The following HSPD1 variants were observed in gnomAD, a reference collection of about 807,000 sequenced individuals.
The protein encoded by HSPD1 is heat shock protein family D (Hsp60) member 1.
In HSPD1, 3 loss-of-function variants were observed where a neutral mutation model predicts 53.0. The observed-to-expected ratio is 0.06, with a 90% CI of 0.03 to 0.15. The LOEUF (loss-of-function observed/expected upper bound fraction) is 0.15. Among genes scored for constraint, HSPD1 ranks in the 10% least tolerant of loss-of-function variants. HSPD1 has a pLI of 1.00. For missense variants in HSPD1, 431 were observed against 694.1 expected, an observed-to-expected ratio of 0.62 and a Z score of 4.26; for synonymous variants, 200 against 228.0, an observed-to-expected ratio of 0.88 and a Z score of 1.10.
intron 9 of HSPD1, among the ~76,000 whole-genome samples, chr2:197,488,739 G>T (rs1235204718): frequency 1.3e-5 from 2 of 152,234 alleles, no homozygotes; most frequent in East Asian, 3.9e-4. Context: ...ATGGTGGCAA[G>T]TGCCTGTAAT....
chr2:197,490,157 T>C, intron 8 of HSPD1, 40 bp downstream of exon 8: 5 of 1,326,328 alleles, frequency 3.8e-6, no homozygotes, highest in East Asian at 2.3e-5. Context: ...CAGACAAGTA[T>C]AAACATTCAG....
chr2:197,494,795 A>T, intron 4 of HSPD1, 43 bp from the exon 5 acceptor site: 1 of 1,272,670 alleles, frequency 7.9e-7, no homozygotes, highest in East Asian at 2.3e-5. Context: ...AGGTAAGCCT[A>T]GTGTCCTCAG....
At chr2:197,496,226 G>C (rs1476312409) in intron 3 of HSPD1, among the ~76,000 whole-genome samples, 2 of 152,100 alleles carry the variant, frequency 1.3e-5, no homozygotes, top group Non-Finnish European at 2.9e-5. Context: ...TGGGAATAGT[G>C]CTAGCTCTCT....
At chr2:197,499,635 C>G (rs1202023014) in intron 1 of HSPD1, 147 bp downstream of exon 1, 1 of 150,876 alleles carries the variant, frequency 6.6e-6, no homozygotes, top group Non-Finnish European at 1.5e-5. Flanking sequence ...CCCGCGAGGC[C>G]TGGACCCGCA....
At chr2:197,500,137 G>A, upstream of HSPD1, 2 of 503,276 alleles carry the variant, frequency 4.0e-6, no homozygotes, top group Middle Eastern at 5.4e-4. Flanking sequence ...TTCCGGGAGG[G>A]GACGAAGGGG....
At chr2:197,495,188 G>T in intron 4 of HSPD1, 106 bp downstream of exon 4, 1 of 711,724 alleles carries the variant, frequency 1.4e-6, no homozygotes, top group Non-Finnish European at 2.6e-6. Flanking sequence ...TAATATTGAT[G>T]ATTGGGTAGT....
chr2:197,490,047 A>T (rs2106072431), intron 8 of HSPD1, 150 bp downstream of exon 8: 1 of 700,324 alleles, frequency 1.4e-6, no homozygotes, highest in East Asian at 2.7e-5. Context: ...GACTTGTGGC[A>T]AATTAACGGG....
intron 6 of HSPD1, 117 bp from the exon 7 acceptor site, chr2:197,493,609 C>T (rs1311871364): frequency 1.3e-5 from 10 of 755,234 alleles, no homozygotes; most frequent in South Asian, 4.6e-5. Context: ...TGGTTTTCCT[C>T]CTTCATTTCT....
chr2:197,492,481 T>G (rs921986108), intron 7 of HSPD1, among the ~76,000 whole-genome samples: 2 of 152,128 alleles, frequency 1.3e-5, no homozygotes, highest in African/African-American at 4.8e-5. Context: ...TGAGCCACCA[T>G]GCCTGGCTCT....
At chr2:197,492,581 A>AAAAAC (rs1356257071) in intron 7 of HSPD1, among the ~76,000 whole-genome samples, 8 of 152,076 alleles carry the variant, frequency 5.3e-5, no homozygotes, top group African/African-American at 9.7e-5. Flanking sequence ...AAAACCTTAA[A>AAAAAC]AAAACAAAAC....
chr2:197,498,619 G>A, intron 2 of HSPD1, 56 bp downstream of exon 2: 1 of 1,457,376 alleles, frequency 6.9e-7, no homozygotes, highest in Non-Finnish European at 9.6e-7. Context: ...GCGACTATTT[G>A]TGAGTAAAAT....
At chr2:197,500,244 C>G (rs1345029613), upstream of HSPD1, 17 of 700,546 alleles carry the variant, frequency 2.4e-5, no homozygotes, top group East Asian at 4.6e-4. Flanking sequence ...TGCGCAGGGC[C>G]CTTGGGGCGA....
chr2:197,487,106 C>A lies in HSPD1; in HGVS notation c.1662G>T (p.Lys554Asn), dbSNP rs1465219566. 6.4e-7 allele frequency: 1 copy of A among 1,573,112 alleles called. No individual in the cohort carries two copies. Among genetic ancestry groups the A allele is most frequent in the Admixed American group, 1.7e-5 (1 of 59,856 alleles). ...VVVTEIPKEEKDPGMGAMGGM... is the reference protein window; with the variant it reads ...VVVTEIPKEENDPGMGAMGGM... ...CACCCATTGCACCCATTCCAGGGTC[C>A]TTCTCTTCTTTAGGAATTTCTGTGA... Residue 554 changes from lysine to asparagine, a missense_variant, in exon 12 of 12, where the codon AAG becomes AAT. This residue lies in a region of HSPD1 where 386 missense variants were observed against 657.6 expected (regional missense o/e 0.59). Transcript: ENST00000388968.
chr2:197,495,115 T>G, intron 4 of HSPD1, 179 bp downstream of exon 4: 1 of 628,962 alleles, frequency 1.6e-6, no homozygotes, highest in Non-Finnish European at 2.9e-6. Flanking sequence ...CATGTAGAAC[T>G]AAATGACAAC....
Position 197,498,783 on chromosome 2 carries a change from G to A in HSPD1, c.66C>T (p.Leu22=). The change falls in exon 2 of 12, where the codon CTC becomes CTT. Residue 22 remains leucine, a synonymous_variant. Coordinates refer to ENST00000388968, the MANE Select transcript of HSPD1 (RefSeq NM_002156.5). The part of the protein sequence containing the change: ...RPVSRVLAPH[L]TRAYAKDVKF... ...TTACATCTTTGGCATAAGCCCGAGT[G>A]AGATGAGGAGCCAGTACCCTGGACA... 1 of 1,614,198 alleles carries A rather than the reference G, an allele frequency of 6.2e-7. No homozygotes were observed. Among genetic ancestry groups the A allele is most frequent in the Admixed American group, 1.7e-5 (1 of 60,022 alleles).
At chr2:197,498,936 C>A in intron 1 of HSPD1, 86 bp from the exon 2 acceptor site, 1 of 1,217,986 alleles carries the variant, frequency 8.2e-7, no homozygotes, top group East Asian at 2.5e-5. Flanking sequence ...ACAGAGCAAG[C>A]AACGTGAGAT....
In HSPD1 at chr2:197,489,082, C is replaced by A; in HGVS notation, c.1135G>T (p.Asp379Tyr). The change falls in exon 9 of 12, where the codon GAT becomes TAT. Residue 379 changes from aspartate (D) to tyrosine (Y), a missense_variant. Asp to Tyr is a radical substitution (Grantham distance 160). This residue lies in a region of HSPD1 where 386 missense variants were observed against 657.6 expected (regional missense o/e 0.59). Transcript: ENST00000388968. ...TTTTCATATTCACTAGTTGTGACATCTAACTGCTCAATGATTTCTTGAATA... is the reference window on the plus strand; with the variant it reads ...TTTTCATATTCACTAGTTGTGACATATAACTGCTCAATGATTTCTTGAATA... ...KRIQEIIEQL[D>Y]VTTSEYEKEK... The A allele has an allele frequency of 6.2e-7, 1 of 1,613,896 alleles. No individual in the cohort carries two copies. The highest frequency in any genetic ancestry group is 8.5e-7 in the Non-Finnish European group (1 of 1,179,786).
At chr2:197,489,362 G>GA in intron 8 of HSPD1, 115 bp from the exon 9 acceptor site, 1 of 1,078,474 alleles carries the variant, frequency 9.3e-7, no homozygotes, top group South Asian at 1.4e-5. Context: ...TTTGAAATGA[G>GA]AGATTTTAAG....
rs373676717 is a variant in HSPD1 at position 197,495,478 on chromosome 2, TA to T, written c.428-103del. Reference sequence around the variant, plus strand: ...TGACAAATATTTTAATGCCTTAACTTAAAAAAAAAAATTTTTTTTTTTTTTG... The same window carrying T: ...TGACAAATATTTTAATGCCTTAACTTAAAAAAAAAATTTTTTTTTTTTTTG... On this transcript the variant is annotated intron_variant, in intron 3 of 11. Transcript: ENST00000388968. The T allele has an allele frequency of 6.1e-3, 4,580 of 747,782 alleles. 1 individual carries two copies. The highest frequency in any genetic ancestry group is 8.0e-3 in the East Asian group (264 of 33,076). 46.3% of individuals were successfully genotyped at this position (747,782 alleles called of 1,614,324 possible). A position where few individuals can be genotyped will look rare whatever the true frequency, so the allele number is the denominator to read the frequency against.
Sources: allele counts gnomAD v4.1 joint callset (sites outside exome capture counted in the v4.1 genomes callset), GRCh38; gene constraint gnomAD v4.1.1; regional missense constraint gnomAD v4.1.1; transcripts MANE v1.5; gene names NCBI Gene and HGNC (gene_info 2026-07-23, HGNC 2026-07-21).